The following PPIE variants were observed in gnomAD, a reference collection of about 807,000 sequenced individuals.
PPIE encodes the protein peptidylprolyl isomerase E, also known as peptidyl-prolyl cis-trans isomerase E.
PPIE carries 20 observed loss-of-function variants against 38.4 expected under a neutral mutation model. That is an observed-to-expected ratio of 0.52 (90% confidence interval 0.37 to 0.76). The LOEUF is 0.76. Among genes scored for constraint, PPIE ranks in the 30% least tolerant of loss-of-function variants. PPIE has a pLI of 0.00. For synonymous variants in PPIE, 142 were observed against 135.7 expected (o/e 1.05, Z -0.32); for missense variants, 322 against 385.8 (o/e 0.83, Z 1.39).
At chr1:39,760,032 T>C (rs1648723883), downstream of PPIE, 1 of 244,376 alleles carries the variant, frequency 4.1e-6, no homozygotes, top group African/African-American at 2.2e-5. Context: ...TGGCCAACAG[T>C]GGGCTCCAGG....
intron 8 of PPIE, among the ~76,000 whole-genome samples, chr1:39,752,416 C>T (rs940424055): frequency 5.3e-5 from 8 of 152,232 alleles, no homozygotes; most frequent in African/African-American, 7.2e-5. Context: ...TCCACTTAGC[C>T]GCTTGATCAG....
Position 39,763,780 on chromosome 1 carries a change from C to T in PPIE, c.*38C>T, listed in dbSNP as rs137876639. 13 of 1,600,386 alleles carry T rather than the reference C, an allele frequency of 8.1e-6. 1 individual carries two copies. In the East Asian group the frequency reaches 1.8e-4, roughly 22 times the overall value. ...CGGCAGACCTGCCGGCCGTGGGAGCCGTGGACGTCATCTGCAGGGACAGAA... is the reference window on the plus strand; with the variant it reads ...CGGCAGACCTGCCGGCCGTGGGAGCTGTGGACGTCATCTGCAGGGACAGAA... On this transcript the variant is annotated 3_prime_UTR_variant, in exon 10 of 10. Transcript: ENST00000356511.
chr1:39,742,983 C>T, intron 4 of PPIE: 3 of 440,228 alleles, frequency 6.8e-6, no homozygotes, highest in South Asian at 7.8e-5. Context: ...TTGGAGTGTT[C>T]TGAACCCAGA....
chr1:39,758,025 A>G (rs948622661), downstream of PPIE: 1 of 152,204 alleles, frequency 6.6e-6, no homozygotes, highest in Non-Finnish European at 1.5e-5. Context: ...GGTGTACTCC[A>G]TATCTACAAA....
downstream of PPIE, chr1:39,760,281 A>C (rs1375413365): frequency 1.5e-6 from 2 of 1,353,208 alleles, no homozygotes; most frequent in Non-Finnish European, 1.0e-6. Context: ...ATGAAGGAGA[A>C]AGGGTCATGT....
chr1:39,762,727 C>T (rs374321916), intron 9 of PPIE: 112 of 1,427,730 alleles, frequency 7.8e-5, no homozygotes, highest in South Asian at 1.3e-4. Flanking sequence ...GCGTACTCGG[C>T]GGCCCGTGTG....
downstream of PPIE, chr1:39,760,273 G>T: frequency 7.6e-7 from 1 of 1,308,224 alleles, no homozygotes; most frequent in Non-Finnish European, 1.0e-6. Context: ...AGCCTGGCAT[G>T]AAGGAGAAAG....
At chr1:39,763,567 C>T (rs376004420) in intron 9 of PPIE, 1 of 1,242,748 alleles carries the variant, frequency 8.0e-7, no homozygotes. Context: ...TCACCATATT[C>T]TCACTTTAGA....
chr1:39,756,159 A>T lies in PPIE; in HGVS notation c.*2804A>T. On this transcript the variant is annotated 3_prime_UTR_variant, in exon 10 of 10. Coordinates refer to ENST00000324379, the MANE Select transcript of PPIE (RefSeq NM_006112.4). ...CGGCTACGCACCATGCAGCAGCTGC[A>T]CCTGGCTGCCTCGGGAAAACTCTGA... The T allele has an allele frequency of 1.0e-6, 1 of 985,452 alleles. No individual in the cohort carries two copies. The highest frequency in any genetic ancestry group is 1.2e-6 in the Non-Finnish European group (1 of 829,922). The allele number at this position is 985,452 out of a possible 1,614,324, so 61.0% of individuals were successfully genotyped here. A position where few individuals can be genotyped will look rare whatever the true frequency, so the allele number is the denominator to read the frequency against.
chr1:39,748,748 TC>T (rs373463803), intron 7 of PPIE, 154 bp from the exon 8 acceptor site: 1 of 661,982 alleles, frequency 1.5e-6, no homozygotes. Context: ...GGAAAAAGAA[TC>T]CCTTATAGTC....
chr1:39,743,246 C>T lies in PPIE; in HGVS notation c.232C>T (p.Arg78Cys), dbSNP rs1647106259. The change falls in exon 5 of 10, where the codon CGT (arginine) becomes TGT (cysteine). Residue 78 changes from arginine to cysteine, a missense_variant. Arg to Cys is a radical substitution (Grantham distance 180). Coordinates refer to ENST00000324379, the MANE Select transcript of PPIE (RefSeq NM_006112.4). ...NESELFGRTIRVNLAKPMRIK... is the reference protein window; with the variant it reads ...NESELFGRTICVNLAKPMRIK... ...ATCTGAGCTTTTTGGACGTACAATT[C>T]GTGTCAATTTGGCCAAACCAATGAG... 3 of 1,614,116 alleles carry T rather than the reference C, an allele frequency of 1.9e-6. No homozygotes were observed. Among genetic ancestry groups the T allele is most frequent in the African/African-American group, 1.3e-5 (1 of 75,032 alleles).
intron 3 of PPIE, chr1:39,741,615 A>G (rs1243867307): frequency 4.7e-6 from 3 of 637,428 alleles, no homozygotes; most frequent in Admixed American, 5.9e-5. Flanking sequence ...AGGCCCTCCC[A>G]TTCTTGCCCT....
At chr1:39,747,300 T>C (rs996394040) in intron 7 of PPIE, 1 of 152,212 alleles carries the variant, frequency 6.6e-6, no homozygotes, top group Non-Finnish European at 1.5e-5. Context: ...TTTTCAATTC[T>C]TTTGGATATA....
chr1:39,753,919 T>C lies in PPIE; in HGVS notation c.*564T>C, dbSNP rs930587401. ...TAAAGACTGGAAAGCTCCGGTCTTC[T>C]GCTGCCTCTGCTCCTAAACCCAGCT... On this transcript the variant is annotated 3_prime_UTR_variant, in exon 10 of 10. Transcript: ENST00000324379. The C allele has an allele frequency of 4.1e-6, 4 of 985,344 alleles. No homozygotes were observed. Among genetic ancestry groups the C allele is most frequent in the African/African-American group, 1.7e-5 (1 of 57,246 alleles). The allele number at this position is 985,344 out of a possible 1,614,324, so 61.0% of individuals were successfully genotyped here. A position where few individuals can be genotyped will look rare whatever the true frequency, so the allele number is the denominator to read the frequency against.
intron 7 of PPIE, chr1:39,748,281 T>C (rs1034863672): frequency 3.3e-5 from 5 of 152,276 alleles, no homozygotes; most frequent in Non-Finnish European, 5.9e-5. Flanking sequence ...GTGTGACATT[T>C]AAGAAACCAT....
At chr1:39,739,152 T>C in intron 1 of PPIE, 1 of 426,784 alleles carries the variant, frequency 2.3e-6, no homozygotes, top group East Asian at 3.6e-5. Context: ...TACGCACTTC[T>C]CCAGCTTCTT....
In PPIE at chr1:39,755,516, A is replaced by G; in HGVS notation, c.*2161A>G. 3.0e-6 allele frequency: 3 copies of G among 985,452 alleles called. No homozygotes were observed. Among genetic ancestry groups the G allele is most frequent in the Non-Finnish European group, 3.6e-6 (3 of 829,922 alleles). 61.0% of individuals were successfully genotyped at this position (985,452 alleles called of 1,614,324 possible). On this transcript the variant is annotated 3_prime_UTR_variant, in exon 10 of 10. Coordinates refer to ENST00000324379, the MANE Select transcript of PPIE (RefSeq NM_006112.4). The stretch of plus-strand genomic sequence containing the variant: ...AAAGCACAGCCCCTTCTCTGAGTGC[A>G]AATAATGGCCATCAGAGGTCAGTCA...
intron 1 of PPIE, chr1:39,739,248 G>C (rs1646998323): frequency 6.1e-6 from 2 of 329,980 alleles, no homozygotes; most frequent in Non-Finnish European, 1.1e-5. Flanking sequence ...TTGGGCCTCT[G>C]CTTTTGCGAC....
At chr1:39,753,107 G>C in intron 9 of PPIE, 55 bp downstream of exon 9, 1 of 1,608,644 alleles carries the variant, frequency 6.2e-7, no homozygotes, top group African/African-American at 1.3e-5. Context: ...GCACAGCCCT[G>C]TGTGAGGGCT....
Sources: gnomAD v4.1 joint callset for allele counts (sites outside exome capture counted in the v4.1 genomes callset) on GRCh38, gnomAD v4.1.1 for gene constraint, MANE v1.5 for transcripts, NCBI Gene and HGNC (gene_info 2026-07-23, HGNC 2026-07-21) for gene names.